ACTR2: variants seen among roughly 807,000 people sequenced by gnomAD.
ACTR2 encodes the protein actin related protein 2.
A neutral mutation model predicts 50.2 loss-of-function variants in ACTR2; 5 were observed. That is an observed-to-expected ratio of 0.10 (90% CI 0.05 to 0.21). ACTR2 has a LOEUF of 0.21. ACTR2 is among the 10% of genes least tolerant of loss of function. ACTR2 has a pLI of 1.00. For missense variants in ACTR2, 180 were observed against 480.6 expected, an observed-to-expected ratio of 0.37 and a Z score of 5.85; for synonymous variants, 140 against 162.9, an observed-to-expected ratio of 0.86 and a Z score of 1.07.
Position 65,237,086 on chromosome 2 carries a change from C to T in ACTR2, c.49-2766C>T, listed in dbSNP as rs545462333. Reference sequence around the variant, plus strand: ...TACTGTGTACCTATTATGTGCCAGACGCTGTTCTAGGCAGTTGGAATTCAT... The same window carrying T: ...TACTGTGTACCTATTATGTGCCAGATGCTGTTCTAGGCAGTTGGAATTCAT... On this transcript the variant is annotated intron_variant, in intron 1 of 8. Coordinates refer to ENST00000260641, the MANE Select transcript of ACTR2 (RefSeq NM_005722.4). Among the ~76,000 whole-genome samples the T allele has an allele frequency of 1.9e-3, 283 of 152,228 alleles. 7 individuals carry two copies. Among genetic ancestry groups the T allele is most frequent in the Non-Finnish European group, 1.7e-3 (118 of 68,020 alleles).
chr2:65,248,957 G>A (rs1382837262), intron 3 of ACTR2, among the ~76,000 whole-genome samples: 1 of 152,038 alleles, frequency 6.6e-6, no homozygotes, highest in Non-Finnish European at 1.5e-5. Context: ...AGGTTGCAGT[G>A]AGCTGAGATC....
rs564070878 is a variant in ACTR2, at chr2:65,244,458, A to T, written c.160-2066A>T. Among the ~76,000 whole-genome samples the T allele has an allele frequency of 3.9e-5, 6 of 152,314 alleles. No homozygotes were observed. In the South Asian group the frequency reaches 1.2e-3, roughly 32 times the overall value. On this transcript the variant is annotated intron_variant, in intron 2 of 8. Transcript: ENST00000260641. ...TGAAACTTGTATATCCATCACCTGG[A>T]TTCTGACATTAATATATATCATACT... is the stretch of plus-strand genomic sequence containing the variant.
At chr2:65,243,291 A>G (rs996673451) in intron 2 of ACTR2, among the ~76,000 whole-genome samples, 2 of 151,982 alleles carry the variant, frequency 1.3e-5, no homozygotes, top group African/African-American at 2.4e-5. Flanking sequence ...AAAAGAAAAG[A>G]AAAGGAAAGA....
chr2:65,237,863 C>T (rs1182532615), intron 1 of ACTR2, among the ~76,000 whole-genome samples: 1 of 152,006 alleles, frequency 6.6e-6, no homozygotes, highest in Non-Finnish European at 1.5e-5. Flanking sequence ...ACCTGTAGTC[C>T]CAGCTACTCA....
chr2:65,260,680 C>T (rs1012652240), intron 6 of ACTR2, among the ~76,000 whole-genome samples: 2 of 151,342 alleles, frequency 1.3e-5, no homozygotes, highest in Non-Finnish European at 2.9e-5. Context: ...TGCACTCATG[C>T]ATCAGTGATT....
chr2:65,264,127 T>G (rs1218925441), intron 7 of ACTR2, among the ~76,000 whole-genome samples: 1 of 152,216 alleles, frequency 6.6e-6, no homozygotes, highest in Non-Finnish European at 1.5e-5. Context: ...CGGAGTCAGA[T>G]TCAGTACCTT....
Position 65,255,599 on chromosome 2 carries a change from C to G in ACTR2, c.640C>G (p.Arg214Gly). The change falls in exon 6 of 9, where the codon CGC (arginine) becomes GGC (glycine). Residue 214 changes from arginine (R) to glycine (G), a missense_variant. Arg to Gly is a moderately radical substitution (Grantham distance 125). Transcript: ENST00000260641. ...FNHSADFETV[R>G]MIKEKLCYVG... ...CCACTCTGCTGATTTTGAAACGGTT[C>G]GCATGATTAAAGAAAAACTGTGTTA... 6.2e-7 allele frequency: 1 copy of G among 1,613,858 alleles called. No individual in the cohort carries two copies. Among genetic ancestry groups the G allele is most frequent in the Non-Finnish European group, 8.5e-7 (1 of 1,179,854 alleles).
intron 6 of ACTR2, among the ~76,000 whole-genome samples, chr2:65,258,598 A>G (rs551150481): frequency 6.6e-6 from 1 of 152,264 alleles, no homozygotes; most frequent in South Asian, 2.1e-4. Flanking sequence ...CAAAAACAAA[A>G]CAAAATCCAT....
At chr2:65,240,499 A>T (rs540408185) in intron 2 of ACTR2, among the ~76,000 whole-genome samples, 55 of 152,238 alleles carry the variant, frequency 3.6e-4, no homozygotes, top group African/African-American at 1.3e-3. Flanking sequence ...TCAAGCCTTT[A>T]TTTGGCCTTG....
chr2:65,256,032 CA>C (rs971853172), intron 6 of ACTR2, among the ~76,000 whole-genome samples: 1 of 152,104 alleles, frequency 6.6e-6, no homozygotes, highest in African/African-American at 2.4e-5. Flanking sequence ...AAGCATTTCA[CA>C]AAAATTAAAA....
intron 2 of ACTR2, among the ~76,000 whole-genome samples, chr2:65,242,258 G>A (rs541064940): frequency 2.6e-4 from 40 of 152,106 alleles, no homozygotes; most frequent in African/African-American, 4.1e-4. Context: ...TCCTGATTGC[G>A]TACAATGGAC....
In ACTR2 at chr2:65,238,487, G is replaced by A. The variant is rs191877486; in HGVS notation, c.49-1365G>A. On this transcript the variant is annotated intron_variant, in intron 1 of 8. Transcript: ENST00000260641. Reference sequence around the variant, plus strand: ...ATCCTGGCTAACACAGTGAAACCCCGTCTCTACTAAAAATACAAAAAATTA... The same window carrying A: ...ATCCTGGCTAACACAGTGAAACCCCATCTCTACTAAAAATACAAAAAATTA... Among the ~76,000 whole-genome samples, 133 of 150,482 alleles carry A rather than the reference G, an allele frequency of 8.8e-4. 1 individual carries two copies. The highest frequency in any genetic ancestry group is 2.9e-3 in the African/African-American group (118 of 40,894).
At chr2:65,236,335 CAA>C (rs557739010) in intron 1 of ACTR2, among the ~76,000 whole-genome samples, 20 of 110,272 alleles carry the variant, frequency 1.8e-4, no homozygotes, top group Admixed American at 3.9e-4. Context: ...GACTCCATCT[CAA>C]AAAAAAAAAA....
rs1009902863 is a variant in ACTR2 at position 65,240,862 on chromosome 2, G to A, written c.159+900G>A. 7.9e-5 allele frequency among the ~76,000 whole-genome samples: 12 copies of A among 152,274 alleles called. No individual in the cohort carries two copies. The South Asian group carries it at 8.3e-4, about 11-fold the overall frequency. ...AGTCATTTGAAATATGCATTAGGGCGTATCTCTTTGGGACATTTGTTTTAT... is the reference window on the plus strand; with the variant it reads ...AGTCATTTGAAATATGCATTAGGGCATATCTCTTTGGGACATTTGTTTTAT... On this transcript the variant is annotated intron_variant, in intron 2 of 8. Transcript: ENST00000260641.
intron 6 of ACTR2, among the ~76,000 whole-genome samples, chr2:65,256,872 G>A (rs1263109471): frequency 7.7e-5 from 4 of 51,924 alleles, no homozygotes; most frequent in Admixed American, 3.7e-4. Context: ...ACTCCATGTC[G>A]GTAAAAAAAA....
intron 1 of ACTR2, among the ~76,000 whole-genome samples, chr2:65,237,904 C>T (rs565499480): frequency 3.3e-5 from 5 of 152,196 alleles, no homozygotes; most frequent in Non-Finnish European, 5.9e-5. Context: ...CACTTGAACC[C>T]GTGGGCGGGG....
chr2:65,257,412 G>A (rs1672171025), intron 6 of ACTR2, among the ~76,000 whole-genome samples: 1 of 152,192 alleles, frequency 6.6e-6, no homozygotes, highest in South Asian at 2.1e-4. Context: ...GTAAACATAT[G>A]TGTGCATGTG....
At chr2:65,230,909 C>T (rs1671625528) in intron 1 of ACTR2, among the ~76,000 whole-genome samples, 1 of 151,836 alleles carries the variant, frequency 6.6e-6, no homozygotes, top group Non-Finnish European at 1.5e-5. Flanking sequence ...CAAAAATTAG[C>T]CGGGTGTGGT....
Position 65,254,766 on chromosome 2 carries a change from G to T in ACTR2, c.586-779G>T, listed in dbSNP as rs534469274. On this transcript the variant is annotated intron_variant, in intron 5 of 8. Coordinates refer to ENST00000260641, the MANE Select transcript of ACTR2 (RefSeq NM_005722.4). ...CCCTGTCTCTGCATTAAATTGGGTT[G>T]CACTGTCTTTACCTTGACATTGGGT... Among the ~76,000 whole-genome samples, 34 of 152,290 alleles carry T rather than the reference G, an allele frequency of 2.2e-4. 1 individual carries two copies. The South Asian group carries it at 7.0e-3, about 32-fold the overall frequency.
Sources: gnomAD v4.1 joint callset for allele counts (sites outside exome capture counted in the v4.1 genomes callset) on GRCh38, gnomAD v4.1.1 for gene constraint, MANE v1.5 for transcripts, NCBI Gene and HGNC (gene_info 2026-07-23, HGNC 2026-07-21) for gene names.